CNTNAP2: variants seen among roughly 807,000 people sequenced by gnomAD.
The protein encoded by CNTNAP2 is contactin associated protein 2.
CNTNAP2 carries 98 observed loss-of-function variants against 155.2 expected under a neutral mutation model. The ratio of observed to expected loss-of-function variants is 0.63; its 90% confidence interval spans 0.54 to 0.75. The LOEUF (loss-of-function observed/expected upper bound fraction) is 0.75. Among genes scored for constraint, CNTNAP2 ranks in the 30% least tolerant of loss-of-function variants. The pLI, the probability that CNTNAP2 is intolerant of heterozygous loss-of-function variation, is 0.00. For synonymous variants in CNTNAP2, 651 were observed against 631.2 expected (o/e 1.03, Z -0.47); for missense variants, 1,727 against 1,688.1 (o/e 1.02, Z -0.40).
chr7:147,056,398 G>A (rs1799561999), intron 4 of CNTNAP2, among the ~76,000 whole-genome samples: 1 of 152,052 alleles, frequency 6.6e-6, no homozygotes, highest in African/African-American at 2.4e-5. Context: ...CTTTCCCATG[G>A]CATTGCACTT....
intron 13 of CNTNAP2, among the ~76,000 whole-genome samples, chr7:147,813,407 T>G (rs1367451660): frequency 6.6e-6 from 1 of 152,164 alleles, no homozygotes. Flanking sequence ...CAAACCCTCA[T>G]GTGTATTTAT....
rs74513377 is a variant in CNTNAP2 at position 146,620,940 on chromosome 7, G to A, written c.98-153331G>A. On this transcript the variant is annotated intron_variant, in intron 1 of 23. Transcript: ENST00000361727. Reference sequence around the variant, plus strand: ...AATAAAGTGACCTTTTAACAATTGGGAATTATAAAATTTGTAATATTTATC... The same window carrying A: ...AATAAAGTGACCTTTTAACAATTGGAAATTATAAAATTTGTAATATTTATC... Among the ~76,000 whole-genome samples, 87 of 152,186 alleles carry A rather than the reference G, an allele frequency of 5.7e-4. 1 individual carries two copies. The East Asian group carries it at 0.016, about 27-fold the overall frequency.
intron 15 of CNTNAP2, among the ~76,000 whole-genome samples, chr7:148,090,831 G>A (rs78822517): frequency 0.013 from 2,008 of 152,194 alleles, 54 homozygotes; most frequent in African/African-American, 0.045. Context: ...CAATCGCTAA[G>A]ATCTGGACTC....
At chr7:148,308,373 T>G (rs769224125) in intron 21 of CNTNAP2, among the ~76,000 whole-genome samples, 1 of 152,080 alleles carries the variant, frequency 6.6e-6, no homozygotes, top group East Asian at 1.9e-4. Context: ...AACTGTATTC[T>G]CAACAACTAC....
At chr7:146,118,093 T>A (rs1287873343) in intron 1 of CNTNAP2, among the ~76,000 whole-genome samples, 15 of 152,224 alleles carry the variant, frequency 9.9e-5, no homozygotes, top group Admixed American at 9.8e-4. Flanking sequence ...AATAATGATC[T>A]TATTGTAGTG....
chr7:147,693,821 G>A (rs1796124112), intron 13 of CNTNAP2, among the ~76,000 whole-genome samples: 1 of 151,852 alleles, frequency 6.6e-6, no homozygotes, highest in Non-Finnish European at 1.5e-5. Context: ...TCTCCAATAT[G>A]TATACCTTTT....
intron 21 of CNTNAP2, among the ~76,000 whole-genome samples, chr7:148,314,549 G>T (rs1797653379): frequency 6.6e-6 from 1 of 152,088 alleles, no homozygotes; most frequent in Non-Finnish European, 1.5e-5. Context: ...CATAGTGAAG[G>T]AGGCAAGCCC....
chr7:148,205,897 T>C (rs2116737387), intron 18 of CNTNAP2, among the ~76,000 whole-genome samples: 1 of 152,326 alleles, frequency 6.6e-6, no homozygotes, highest in East Asian at 1.9e-4. Flanking sequence ...GCCTGGTGCA[T>C]GAATAAGGCA....
At chr7:147,071,764 T>TGCTG (rs1799896922) in intron 4 of CNTNAP2, among the ~76,000 whole-genome samples, 1 of 152,204 alleles carries the variant, frequency 6.6e-6, no homozygotes, top group African/African-American at 2.4e-5. Context: ...TGACCAAAAA[T>TGCTG]GCTGGTCTAT....
At chr7:147,825,777 G>A (rs1272143413) in intron 13 of CNTNAP2, among the ~76,000 whole-genome samples, 2 of 152,142 alleles carry the variant, frequency 1.3e-5, no homozygotes, top group South Asian at 4.1e-4. Flanking sequence ...AAAGAGTGGA[G>A]AGAGAGAAGT....
chr7:146,347,477 G>C (rs1042470365), intron 1 of CNTNAP2, among the ~76,000 whole-genome samples: 15 of 152,102 alleles, frequency 9.9e-5, no homozygotes, highest in Non-Finnish European at 2.2e-4. Context: ...CTACTGACTG[G>C]TCATACCCTC....
At chr7:146,940,839 A>T (rs1371479239) in intron 3 of CNTNAP2, among the ~76,000 whole-genome samples, 1 of 147,252 alleles carries the variant, frequency 6.8e-6, no homozygotes, top group Non-Finnish European at 1.5e-5. Flanking sequence ...ATAGAGAGAA[A>T]GAGAGAGAAA....
At chr7:147,512,593 A>G (rs1799041454) in intron 11 of CNTNAP2, among the ~76,000 whole-genome samples, 1 of 152,204 alleles carries the variant, frequency 6.6e-6, no homozygotes, top group African/African-American at 2.4e-5. Flanking sequence ...ACATTAGCTT[A>G]AAGTTATTTA....
chr7:147,034,942 G>A (rs1217936559), intron 3 of CNTNAP2, among the ~76,000 whole-genome samples: 2 of 151,914 alleles, frequency 1.3e-5, no homozygotes, highest in African/African-American at 2.4e-5. Context: ...AAACAGAAAT[G>A]CCTGTCTGCA....
At chr7:147,657,581 T>C (rs78294461) in intron 13 of CNTNAP2, among the ~76,000 whole-genome samples, 5 of 152,086 alleles carry the variant, frequency 3.3e-5, no homozygotes, top group Non-Finnish European at 5.9e-5. Context: ...ACAAAGCAAT[T>C]CCAGTAAGAT....
intron 11 of CNTNAP2, among the ~76,000 whole-genome samples, chr7:147,514,784 T>A (rs954726674): frequency 6.6e-6 from 1 of 152,134 alleles, no homozygotes; most frequent in Non-Finnish European, 1.5e-5. Context: ...AACCCACGTC[T>A]ACCCCATCAA....
intron 1 of CNTNAP2, among the ~76,000 whole-genome samples, chr7:146,248,140 G>A (rs914881568): frequency 5.3e-5 from 8 of 151,936 alleles, no homozygotes; most frequent in African/African-American, 1.9e-4. Context: ...ACGGAAATAA[G>A]GGATCAGGGC....
chr7:146,673,985 A>G (rs567749257), intron 1 of CNTNAP2, among the ~76,000 whole-genome samples: 2 of 152,316 alleles, frequency 1.3e-5, no homozygotes, highest in African/African-American at 4.8e-5. Context: ...TTATGTACTT[A>G]CTGTTATGAA....
At chr7:148,355,166 C>CTTTTTTCTTTTT (rs1798490265) in intron 21 of CNTNAP2, among the ~76,000 whole-genome samples, 1 of 41,022 alleles carries the variant, frequency 2.4e-5, no homozygotes. Flanking sequence ...CCGCCAGCTG[C>CTTTTTTCTTTTT]TTTTTTTTTT....
Sources: gnomAD v4.1 joint callset for allele counts (sites outside exome capture counted in the v4.1 genomes callset) on GRCh38, gnomAD v4.1.1 for gene constraint, MANE v1.5 for transcripts, NCBI Gene and HGNC (gene_info 2026-07-23, HGNC 2026-07-21) for gene names.